The following PKP4 variants were observed in gnomAD, a reference collection of about 807,000 sequenced individuals.
The protein encoded by PKP4 is plakophilin 4, also known as plakophilin-4.
In PKP4, 90 loss-of-function variants were observed where a neutral mutation model predicts 145.1. That is an observed-to-expected ratio of 0.62 (90% confidence interval 0.52 to 0.74). The LOEUF (loss-of-function observed/expected upper bound fraction) is 0.74, where lower values mean the gene tolerates loss of function less well. Ranked by LOEUF, PKP4 falls within the 30% of genes least tolerant of loss-of-function variation. The probability of loss-of-function intolerance (pLI) is 0.00; values close to 1 mark genes in which losing one functional copy is unlikely to be tolerated. For missense variants in PKP4, 1,340 were observed against 1,482.7 expected, an observed-to-expected ratio of 0.90 and a Z score of 1.58; for synonymous variants, 563 against 577.2, an observed-to-expected ratio of 0.98 and a Z score of 0.35.
At chr2:158,612,717 A>G (rs1375640467) in intron 4 of PKP4, among the ~76,000 whole-genome samples, 3 of 152,172 alleles carry the variant, frequency 2.0e-5, no homozygotes, top group African/African-American at 4.8e-5. Flanking sequence ...AAATTTCTCT[A>G]TATCATAAAA....
At chr2:158,540,441 G>A (rs564016377) in intron 2 of PKP4, among the ~76,000 whole-genome samples, 34 of 152,288 alleles carry the variant, frequency 2.2e-4, no homozygotes, top group African/African-American at 8.2e-4. Flanking sequence ...ATTAAAAAAT[G>A]TTTATTTAAA....
intron 4 of PKP4, among the ~76,000 whole-genome samples, chr2:158,605,521 G>T (rs2050584212): frequency 6.6e-6 from 1 of 151,590 alleles, no homozygotes; most frequent in African/African-American, 2.4e-5. Flanking sequence ...TTGCAGGTTT[G>T]TTTTTTTTAT....
At chr2:158,465,509 T>C (rs1427875179) in intron 1 of PKP4, among the ~76,000 whole-genome samples, 2 of 152,204 alleles carry the variant, frequency 1.3e-5, no homozygotes, top group Non-Finnish European at 2.9e-5. Flanking sequence ...GACCTGCCAT[T>C]TTATTACATT....
At chr2:158,551,023 C>G (rs1476512491) in intron 2 of PKP4, among the ~76,000 whole-genome samples, 1 of 152,072 alleles carries the variant, frequency 6.6e-6, no homozygotes, top group African/African-American at 2.4e-5. Flanking sequence ...GCATGAATCA[C>G]CATTTTTAGA....
chr2:158,516,577 T>C (rs16842981), intron 1 of PKP4, among the ~76,000 whole-genome samples: 22,427 of 151,974 alleles, frequency 0.15, 1,836 homozygotes, highest in Middle Eastern at 0.28. Flanking sequence ...ATTTAGCTAG[T>C]TCATGTAGAA....
chr2:158,644,338 TGA>T (rs1307641620), intron 11 of PKP4, among the ~76,000 whole-genome samples: 2 of 151,788 alleles, frequency 1.3e-5, no homozygotes, highest in Admixed American at 6.6e-5. Context: ...AAGTGCGGAG[TGA>T]GAGAGAGGGA....
intron 2 of PKP4, among the ~76,000 whole-genome samples, chr2:158,570,785 C>T (rs1479454379): frequency 6.6e-6 from 1 of 151,990 alleles, no homozygotes; most frequent in Non-Finnish European, 1.5e-5. Flanking sequence ...ATTTCAATGA[C>T]TTCAATGCCT....
At chr2:158,528,188 G>T (rs1049835676) in intron 1 of PKP4, among the ~76,000 whole-genome samples, 1 of 143,660 alleles carries the variant, frequency 7.0e-6, no homozygotes, top group Non-Finnish European at 1.5e-5. Flanking sequence ...ACATGCACAC[G>T]TATGTTTATT....
At chr2:158,513,480 T>C (rs1012217565) in intron 1 of PKP4, among the ~76,000 whole-genome samples, 1 of 152,188 alleles carries the variant, frequency 6.6e-6, no homozygotes, top group Non-Finnish European at 1.5e-5. Flanking sequence ...CCCCAGGGAT[T>C]TGGCACATGA....
intron 7 of PKP4, among the ~76,000 whole-genome samples, chr2:158,625,735 G>A (rs1346789223): frequency 6.6e-6 from 1 of 151,992 alleles, no homozygotes; most frequent in East Asian, 1.9e-4. Flanking sequence ...ATTCTAAGCA[G>A]TTGACTAATT....
At chr2:158,534,243 C>T (rs1254160185) in intron 2 of PKP4, among the ~76,000 whole-genome samples, 1 of 152,040 alleles carries the variant, frequency 6.6e-6, no homozygotes, top group African/African-American at 2.4e-5. Flanking sequence ...ACATTTATTA[C>T]CTTATTGTTG....
intron 1 of PKP4, among the ~76,000 whole-genome samples, chr2:158,518,802 T>C (rs1265588616): frequency 1.3e-5 from 2 of 152,202 alleles, no homozygotes; most frequent in Non-Finnish European, 1.5e-5. Context: ...ATCATAATTT[T>C]TGGTCAGTAC....
chr2:158,639,922 A>T (rs1398025144), intron 9 of PKP4, among the ~76,000 whole-genome samples: 2 of 152,168 alleles, frequency 1.3e-5, no homozygotes, highest in African/African-American at 4.8e-5. Flanking sequence ...AATATATATA[A>T]AATGCCTGGA....
chr2:158,663,132 T>C (rs1475516871), intron 14 of PKP4, 44 bp downstream of exon 14: 1 of 1,544,946 alleles, frequency 6.5e-7, no homozygotes, highest in Non-Finnish European at 8.8e-7. Flanking sequence ...TTAATTTTTC[T>C]GGGAGTGAGG....
At chr2:158,645,541 C>T (rs573035538) in intron 11 of PKP4, among the ~76,000 whole-genome samples, 2 of 152,274 alleles carry the variant, frequency 1.3e-5, no homozygotes, top group Non-Finnish European at 2.9e-5. Flanking sequence ...ATAGTAACAC[C>T]GTGCAGCCAG....
At chr2:158,481,922 A>G (rs1233625865) in intron 1 of PKP4, among the ~76,000 whole-genome samples, 1 of 152,200 alleles carries the variant, frequency 6.6e-6, no homozygotes, top group African/African-American at 2.4e-5. Flanking sequence ...GTGCCAAATT[A>G]TTTTATAACT....
intron 11 of PKP4, among the ~76,000 whole-genome samples, chr2:158,655,979 T>G (rs2055874214): frequency 6.6e-6 from 1 of 152,238 alleles, no homozygotes; most frequent in South Asian, 2.1e-4. Context: ...GCCCTGTTAT[T>G]TGGTCAGGAC....
In PKP4 at chr2:158,627,650, A is replaced by AATATAT. The variant is rs3836167; in HGVS notation, c.1153+2233_1153+2238dup. Among the ~76,000 whole-genome samples, 93 of 147,650 alleles carry AATATAT rather than the reference A, an allele frequency of 6.3e-4. 1 individual carries two copies. Among genetic ancestry groups the AATATAT allele is most frequent in the African/African-American group, 1.9e-3 (79 of 40,708 alleles). ...TAATTTAAATGATACAAACTACAGA[A>AATATAT]ATATATATATATATACTCTAAAATG... On this transcript the variant is annotated intron_variant, in intron 7 of 21. Transcript: ENST00000389759.
At chr2:158,614,512 G>A (rs1038240257) in intron 4 of PKP4, among the ~76,000 whole-genome samples, 2 of 152,156 alleles carry the variant, frequency 1.3e-5, no homozygotes, top group African/African-American at 4.8e-5. Context: ...TTTATTAAAT[G>A]AATTTTTATC....
Sources: allele counts gnomAD v4.1 joint callset (sites outside exome capture counted in the v4.1 genomes callset), GRCh38; gene constraint gnomAD v4.1.1; transcripts MANE v1.5; gene names NCBI Gene and HGNC (gene_info 2026-07-23, HGNC 2026-07-21).